Variants in PLCB1 observed in about 807,000 individuals in gnomAD.
PLCB1 encodes phospholipase C beta 1, also known as 1-phosphatidylinositol 4,5-bisphosphate phosphodiesterase beta-1.
PLCB1 carries 46 observed loss-of-function variants against 161.8 expected under a neutral mutation model. That is an observed-to-expected ratio of 0.28 (90% CI 0.22 to 0.36). PLCB1 has a LOEUF of 0.36. Ranked by LOEUF, PLCB1 falls within the 10% of genes least tolerant of loss-of-function variation. The pLI is 1.00. For synonymous variants in PLCB1, 517 were observed against 503.7 expected (o/e 1.03, Z -0.35); for missense variants, 1,016 against 1,472.5 (o/e 0.69, Z 5.07).
intron 4 of PLCB1, among the ~76,000 whole-genome samples, chr20:8,640,155 A>T (rs1394649629): frequency 6.6e-6 from 1 of 152,242 alleles, no homozygotes; most frequent in Non-Finnish European, 1.5e-5. Flanking sequence ...AGAAAATTAT[A>T]TTTCAGCAGA....
intron 3 of PLCB1, among the ~76,000 whole-genome samples, chr20:8,514,807 T>TA (rs1343249411): frequency 6.6e-6 from 1 of 152,196 alleles, no homozygotes; most frequent in Non-Finnish European, 1.5e-5. Context: ...TTGGTTCATG[T>TA]AAAGTAATTT....
At chr20:8,213,772 G>A (rs1978962838) in intron 2 of PLCB1, among the ~76,000 whole-genome samples, 1 of 151,800 alleles carries the variant, frequency 6.6e-6, no homozygotes, top group African/African-American at 2.4e-5. Context: ...TAAAAAGAAT[G>A]CTTAGAATTT....
At chr20:8,138,424 C>A (rs538604880) in intron 1 of PLCB1, among the ~76,000 whole-genome samples, 1 of 152,160 alleles carries the variant, frequency 6.6e-6, no homozygotes, top group Admixed American at 6.5e-5. Flanking sequence ...TGTTGACTAA[C>A]GCTATGGGTC....
intron 3 of PLCB1, among the ~76,000 whole-genome samples, chr20:8,477,125 T>A (rs1353328422): frequency 6.6e-6 from 1 of 152,060 alleles, no homozygotes; most frequent in Non-Finnish European, 1.5e-5. Flanking sequence ...ATCTAATGAG[T>A]AGTCTCTAGA....
intron 31 of PLCB1, among the ~76,000 whole-genome samples, chr20:8,831,901 T>C (rs1161656787): frequency 8.9e-6 from 1 of 112,898 alleles, no homozygotes; most frequent in Non-Finnish European, 1.9e-5. Flanking sequence ...TCTTTCTCCC[T>C]CTCTTTCTTT....
chr20:8,364,824 T>C (rs898856409), intron 2 of PLCB1, among the ~76,000 whole-genome samples: 4 of 152,244 alleles, frequency 2.6e-5, no homozygotes, highest in Non-Finnish European at 4.4e-5. Flanking sequence ...GTTGATCCTA[T>C]TTTTCATTTA....
Position 8,672,006 on chromosome 20 carries a change from A to C in PLCB1, c.863-12926A>C, listed in dbSNP as rs6140681. Among the ~76,000 whole-genome samples the C allele has an allele frequency of 3.6e-4, 55 of 152,328 alleles. 1 individual carries two copies. The East Asian group carries it at 9.8e-3, about 27-fold the overall frequency. On this transcript the variant is annotated intron_variant, in intron 9 of 31. Transcript: ENST00000338037. ...ATGCTCAGTAATAGTAGCTCCCATT[A>C]TTATGATAATTATTGTTATTTACCT...
At chr20:8,587,855 C>T (rs1219741842) in intron 3 of PLCB1, among the ~76,000 whole-genome samples, 1 of 152,142 alleles carries the variant, frequency 6.6e-6, no homozygotes, top group Non-Finnish European at 1.5e-5. Flanking sequence ...AGTTAGTAAA[C>T]ATTTCTGAAT....
At chr20:8,315,698 G>A (rs1156271693) in intron 2 of PLCB1, among the ~76,000 whole-genome samples, 1 of 152,086 alleles carries the variant, frequency 6.6e-6, no homozygotes, top group Non-Finnish European at 1.5e-5. Flanking sequence ...AGTTTCTTGT[G>A]TCTGCCGGTC....
chr20:8,294,156 A>G (rs1313465860), intron 2 of PLCB1, among the ~76,000 whole-genome samples: 1 of 152,154 alleles, frequency 6.6e-6, no homozygotes, highest in Non-Finnish European at 1.5e-5. Context: ...AAAAAATTGT[A>G]TGAACCTAAC....
intron 3 of PLCB1, among the ~76,000 whole-genome samples, chr20:8,387,657 A>C (rs1316326638): frequency 6.6e-6 from 1 of 152,336 alleles, no homozygotes; most frequent in Middle Eastern, 3.4e-3. Context: ...CAAACCTTCA[A>C]TTTGTAAAAA....
intron 2 of PLCB1, among the ~76,000 whole-genome samples, chr20:8,234,750 G>A (rs1366010638): frequency 1.3e-5 from 2 of 152,018 alleles, no homozygotes; most frequent in African/African-American, 4.8e-5. Flanking sequence ...TAGAGTAGAA[G>A]ATCACTAGAT....
chr20:8,401,791 C>T (rs1285823042), intron 3 of PLCB1, among the ~76,000 whole-genome samples: 1 of 152,184 alleles, frequency 6.6e-6, no homozygotes, highest in Non-Finnish European at 1.5e-5. Flanking sequence ...TGCATCCCTT[C>T]TGCTTATTGA....
intron 3 of PLCB1, among the ~76,000 whole-genome samples, chr20:8,442,434 A>G (rs1980601562): frequency 6.6e-6 from 1 of 152,164 alleles, no homozygotes; most frequent in Non-Finnish European, 1.5e-5. Context: ...CCTTAATCTC[A>G]TCTTTGAGAG....
chr20:8,828,313 T>C (rs752207096), intron 31 of PLCB1, among the ~76,000 whole-genome samples: 4 of 152,350 alleles, frequency 2.6e-5, no homozygotes, highest in Non-Finnish European at 4.4e-5. Flanking sequence ...ATCTTCCCCA[T>C]TGTAAAAGGC....
intron 3 of PLCB1, among the ~76,000 whole-genome samples, chr20:8,520,668 C>G (rs1984312689): frequency 6.6e-6 from 1 of 152,194 alleles, no homozygotes; most frequent in African/African-American, 2.4e-5. Flanking sequence ...TAGCTAACCA[C>G]TCCACGACTA....
At chr20:8,489,067 A>G (rs1568696037) in intron 3 of PLCB1, among the ~76,000 whole-genome samples, 3 of 152,350 alleles carry the variant, frequency 2.0e-5, no homozygotes. Context: ...TTACAACATG[A>G]AATAAATTAT....
At chr20:8,566,065 TATATA>T (rs1312845917) in intron 3 of PLCB1, among the ~76,000 whole-genome samples, 1 of 152,186 alleles carries the variant, frequency 6.6e-6, no homozygotes, top group Non-Finnish European at 1.5e-5. Context: ...TGCTATCAAT[TATATA>T]ATTAAAGTAT....
chr20:8,692,680 C>T (rs1174130762), intron 10 of PLCB1, among the ~76,000 whole-genome samples: 1 of 151,986 alleles, frequency 6.6e-6, no homozygotes, highest in Non-Finnish European at 1.5e-5. Flanking sequence ...CATGGAAGAC[C>T]CAGGTGGTTT....
Sources: gnomAD v4.1 joint callset for allele counts (sites outside exome capture counted in the v4.1 genomes callset) on GRCh38, gnomAD v4.1.1 for gene constraint, MANE v1.5 for transcripts, NCBI Gene and HGNC (gene_info 2026-07-23, HGNC 2026-07-21) for gene names.